NCBP3: variants seen among roughly 807,000 people sequenced by gnomAD.
NCBP3 encodes nuclear cap-binding protein subunit 3.
Under a neutral mutation model 75.7 loss-of-function variants are expected in NCBP3, and 20 were observed. The ratio of observed to expected loss-of-function variants is 0.26; its 90% CI spans 0.19 to 0.38. The LOEUF (loss-of-function observed/expected upper bound fraction) is 0.38, where lower values mean the gene tolerates loss of function less well. Ranked by LOEUF, NCBP3 falls within the 10% of genes least tolerant of loss-of-function variation. NCBP3 has a pLI of 1.00. For missense variants in NCBP3, 678 were observed against 796.9 expected (o/e 0.85, Z 1.80); for synonymous variants, 293 against 290.5 (o/e 1.01, Z -0.09).
In NCBP3 at chr17:3,816,157, T is replaced by A. The variant is rs760060686; in HGVS notation, c.1424A>T (p.Gln475Leu). 6.2e-7 allele frequency: 1 copy of A among 1,614,224 alleles called. No individual in the cohort carries two copies. Among genetic ancestry groups the A allele is most frequent in the Non-Finnish European group, 8.5e-7 (1 of 1,180,034 alleles). ...GACTGGTGGCCGTGGACGGGAGTGC[T>A]GACGTTTCTCATCTAATAGATGTCG... is the stretch of plus-strand genomic sequence containing the variant. The part of the protein sequence containing the change: ...DVRHLLDEKR[Q>L]HSRPRPPVSS... Residue 475 changes from glutamine to leucine, a missense_variant, in exon 11 of 13, where the codon CAG becomes CTG. Transcript: ENST00000389005.
rs977270076 is a variant in NCBP3, at chr17:3,803,569, T to A, written c.*9475A>T. On this transcript the variant is annotated 3_prime_UTR_variant, in exon 13 of 13. Coordinates refer to ENST00000389005, the MANE Select transcript of NCBP3 (RefSeq NM_001114118.3). ...AAACGAGCATGATGTATACAAATAA[T>A]CCTCAAATGGTTCATGGTTCAGAGA... The A allele has an allele frequency of 3.3e-5, 5 of 152,020 alleles. No individual in the cohort carries two copies. The highest frequency in any genetic ancestry group is 5.9e-5 in the Non-Finnish European group (4 of 68,018). The allele number at this position is 152,020 out of a possible 1,614,324, so 9.4% of individuals were successfully genotyped here.
chr17:3,830,550 A>C (rs1204515862), intron 3 of NCBP3, among the ~76,000 whole-genome samples: 1 of 152,228 alleles, frequency 6.6e-6, no homozygotes, highest in Admixed American at 6.5e-5. Flanking sequence ...GAAAGGTTGA[A>C]GGCTATGGTC....
At chr17:3,829,182 G>T in intron 4 of NCBP3, 61 bp downstream of exon 4, 1 of 1,532,078 alleles carries the variant, frequency 6.5e-7, no homozygotes, top group Non-Finnish European at 8.8e-7. Flanking sequence ...ATCTCTGATG[G>T]CAAGAACTCT....
In NCBP3 at chr17:3,826,850, A is replaced by G. The variant is rs368246983; in HGVS notation, c.482-635T>C. On this transcript the variant is annotated intron_variant, in intron 4 of 12. Coordinates refer to ENST00000389005, the MANE Select transcript of NCBP3 (RefSeq NM_001114118.3). ...AACACGGTGAAACCCCGTCTCTACT[A>G]AAAATACAAAAAATTAGCCGGGCGT... Among the ~76,000 whole-genome samples the G allele has an allele frequency of 1.7e-3, 259 of 152,004 alleles. 1 individual carries two copies. The highest frequency in any genetic ancestry group is 5.9e-3 in the African/African-American group (245 of 41,462).
At chr17:3,840,729 G>A (rs1045334928) in intron 2 of NCBP3, among the ~76,000 whole-genome samples, 1 of 152,086 alleles carries the variant, frequency 6.6e-6, no homozygotes, top group Non-Finnish European at 1.5e-5. Context: ...CACCTATCAC[G>A]CTCTTCCACA....
chr17:3,821,747 T>C (rs755099179), intron 8 of NCBP3, among the ~76,000 whole-genome samples: 1 of 152,152 alleles, frequency 6.6e-6, no homozygotes, highest in Admixed American at 6.5e-5. Flanking sequence ...CAACTACACG[T>C]TGACACAATG....
In NCBP3 at chr17:3,812,353, C is replaced by T. The variant is rs2053432417; in HGVS notation, c.*691G>A. ...CACAAAAATCAACCCCAAATCCAGACGTCACAGTTTTTTGTTCCTAAAAAT... is the reference window on the plus strand; with the variant it reads ...CACAAAAATCAACCCCAAATCCAGATGTCACAGTTTTTTGTTCCTAAAAAT... On this transcript the variant is annotated 3_prime_UTR_variant, in exon 13 of 13. Coordinates refer to ENST00000389005, the MANE Select transcript of NCBP3 (RefSeq NM_001114118.3). The T allele has an allele frequency of 4.0e-6, 1 of 248,622 alleles. No individual in the cohort carries two copies. The highest frequency in any genetic ancestry group is 6.4e-6 in the Non-Finnish European group (1 of 155,784). The allele number at this position is 248,622 out of a possible 1,614,324, so 15.4% of individuals were successfully genotyped here.
Position 3,816,284 on chromosome 17 carries a change from G to T in NCBP3, c.1311-14C>A. On this transcript the variant is annotated splice_polypyrimidine_tract_variant and intron_variant, in intron 10 of 12. Transcript: ENST00000389005. ...CTCATGGAGTTCCTTTAAAAAGGGG[G>T]TAGGATGGGGCACAGTTAACCAACT... 6.2e-7 allele frequency: 1 copy of T among 1,610,412 alleles called. No homozygotes were observed.
At chr17:3,815,247 G>A (rs1057267584) in intron 11 of NCBP3, among the ~76,000 whole-genome samples, 9 of 152,270 alleles carry the variant, frequency 5.9e-5, no homozygotes, top group Middle Eastern at 3.4e-3. Context: ...ATAGATGTAA[G>A]ATCAGGTTAC....
At chr17:3,836,978 G>C (rs749228299) in intron 3 of NCBP3, among the ~76,000 whole-genome samples, 1 of 145,104 alleles carries the variant, frequency 6.9e-6, no homozygotes, top group Non-Finnish European at 1.5e-5. Context: ...GTGAAAACTC[G>C]TCTCTATTAA....
intron 11 of NCBP3, among the ~76,000 whole-genome samples, chr17:3,815,018 G>A (rs777296821): frequency 2.6e-5 from 4 of 152,124 alleles, no homozygotes; most frequent in Non-Finnish European, 4.4e-5. Context: ...GCCCTGTGCC[G>A]AGGTCTCCTC....
At chr17:3,841,602 C>CTTTTTTTTTTTTTTTT (rs373561293) in intron 2 of NCBP3, among the ~76,000 whole-genome samples, 1 of 118,050 alleles carries the variant, frequency 8.5e-6, no homozygotes, top group African/African-American at 3.2e-5. Flanking sequence ...AATTCTCTCT[C>CTTTTTTTTTTTTTTTT]TTTTTTTTTT....
At position 3,812,920 on chromosome 17, in the gene NCBP3, C is replaced by A. The variant is rs761336780; in HGVS notation, c.*124G>T. On this transcript the variant is annotated 3_prime_UTR_variant, in exon 13 of 13. Transcript: ENST00000389005. The stretch of plus-strand genomic sequence containing the variant: ...AGATGTCTTGCCGAAGTAGCAAGAG[C>A]GGAGGGTGACTGTGTGAGCAGGAGC... 126 of 1,502,988 alleles carry A rather than the reference C, an allele frequency of 8.4e-5. No individual in the cohort carries two copies. In the Middle Eastern group the frequency reaches 9.7e-4, roughly 12 times the overall value. The allele number at this position is 1,502,988 out of a possible 1,614,324, so 93.1% of individuals were successfully genotyped here. A position where few individuals can be genotyped will look rare whatever the true frequency, so the allele number is the denominator to read the frequency against.
At chr17:3,834,271 T>A (rs2053936897) in intron 3 of NCBP3, among the ~76,000 whole-genome samples, 1 of 152,132 alleles carries the variant, frequency 6.6e-6, no homozygotes, top group South Asian at 2.1e-4. Context: ...AAAAAAGCAG[T>A]GTGACTGCAA....
At chr17:3,824,678 G>T (rs1209464483) in intron 7 of NCBP3, 4 of 218,858 alleles carry the variant, frequency 1.8e-5, no homozygotes, top group East Asian at 2.1e-4. Flanking sequence ...ATGGTAACTG[G>T]CTGAAAATAT....
Position 3,810,136 on chromosome 17 carries a change from G to A in NCBP3, c.*2908C>T, listed in dbSNP as rs1207765096. The stretch of plus-strand genomic sequence containing the variant: ...GCCACTCAAGTGTACACTTTAAATG[G>A]CTGAACTGTATGCAAATTACATCTA... On this transcript the variant is annotated 3_prime_UTR_variant, in exon 13 of 13. Coordinates refer to ENST00000389005, the MANE Select transcript of NCBP3 (RefSeq NM_001114118.3). 1 of 152,230 alleles carries A rather than the reference G, an allele frequency of 6.6e-6. No homozygotes were observed. The highest frequency in any genetic ancestry group is 1.5e-5 in the Non-Finnish European group (1 of 68,048). 9.4% of individuals were successfully genotyped at this position (152,230 alleles called of 1,614,324 possible).
chr17:3,841,630 G>T (rs1441341707), intron 2 of NCBP3, among the ~76,000 whole-genome samples: 1 of 134,268 alleles, frequency 7.4e-6, no homozygotes, highest in Non-Finnish European at 1.6e-5. Flanking sequence ...TTGCGGGGAT[G>T]GGGGGCCTTT....
rs147018687 is a variant in NCBP3, at chr17:3,816,149, G to A, written c.1432C>T (p.Arg478Cys). Residue 478 changes from arginine to cysteine, a missense_variant, in exon 11 of 13, where the codon CGT (arginine) becomes TGT (cysteine). Coordinates refer to ENST00000389005, the MANE Select transcript of NCBP3 (RefSeq NM_001114118.3). ...HLLDEKRQHS[R>C]PRPPVSSTKS... ...GTACTGCTGACTGGTGGCCGTGGAC[G>A]GGAGTGCTGACGTTTCTCATCTAAT... is the stretch of plus-strand genomic sequence containing the variant. 1.2e-4 allele frequency: 197 copies of A among 1,614,098 alleles called. No homozygotes were observed. The highest frequency in any genetic ancestry group is 1.7e-4 in the Middle Eastern group (1 of 6,060).
rs1265962537 is a variant in NCBP3 at position 3,821,234 on chromosome 17, T to C, written c.1000+15A>G. On this transcript the variant is annotated intron_variant, in intron 9 of 12. Transcript: ENST00000389005. ...GCCAAACATGTGTCTACCCAAGAGC[T>C]GAGCAGGCAACTACCAGAATGTCGA... 1 of 1,589,074 alleles carries C rather than the reference T, an allele frequency of 6.3e-7. No individual in the cohort carries two copies. The highest frequency in any genetic ancestry group is 8.6e-7 in the Non-Finnish European group (1 of 1,157,598).
Sources: allele counts gnomAD v4.1 joint callset (sites outside exome capture counted in the v4.1 genomes callset), GRCh38; gene constraint gnomAD v4.1.1; transcripts MANE v1.5; gene names NCBI Gene and HGNC (gene_info 2026-07-23, HGNC 2026-07-21).